MACROD2: variants seen among roughly 807,000 people sequenced by gnomAD.
The protein encoded by MACROD2 is ADP-ribose glycohydrolase MACROD2.
Under a neutral mutation model 70.4 loss-of-function variants are expected in MACROD2, and 36 were observed. The ratio of observed to expected loss-of-function variants is 0.51; its 90% CI spans 0.39 to 0.68. MACROD2 has a LOEUF of 0.68. Ranked by LOEUF, MACROD2 falls within the 30% of genes least tolerant of loss-of-function variation. The pLI, the probability that MACROD2 is intolerant of heterozygous loss-of-function variation, is 0.00. For synonymous variants in MACROD2, 172 were observed against 178.8 expected (o/e 0.96, Z 0.30); for missense variants, 496 against 538.4 (o/e 0.92, Z 0.78).
At position 15,030,855 on chromosome 20, in the gene MACROD2, A is replaced by G. The variant is rs374132040; in HGVS notation, c.419-199085A>G. On this transcript the variant is annotated intron_variant, in intron 5 of 17. Transcript: ENST00000684519. Reference sequence around the variant, plus strand: ...GATCTTCATCCCAGATCCCAGTGTCACAGGATCTCTAGGGTGTTGCTTTTC... The same window carrying G: ...GATCTTCATCCCAGATCCCAGTGTCGCAGGATCTCTAGGGTGTTGCTTTTC... 1.2e-4 allele frequency among the ~76,000 whole-genome samples: 18 copies of G among 152,270 alleles called. 1 individual carries two copies. In the South Asian group the frequency reaches 3.7e-3, roughly 32 times the overall value.
intron 8 of MACROD2, among the ~76,000 whole-genome samples, chr20:15,537,781 C>T (rs6110664): frequency 0.25 from 37,551 of 152,002 alleles, 5,550 homozygotes; most frequent in East Asian, 0.48. Flanking sequence ...GCCCCACTTA[C>T]CCTTCTTCTC....
chr20:14,287,947 A>G (rs746767860), intron 3 of MACROD2, among the ~76,000 whole-genome samples: 3 of 152,090 alleles, frequency 2.0e-5, no homozygotes, highest in Non-Finnish European at 4.4e-5. Context: ...AGATGTTACA[A>G]TCTTATATAA....
chr20:14,536,062 A>C (rs2085360140), intron 4 of MACROD2, among the ~76,000 whole-genome samples: 1 of 152,194 alleles, frequency 6.6e-6, no homozygotes, highest in South Asian at 2.1e-4. Flanking sequence ...GGGGCATGAC[A>C]GCTCTTAGAA....
At chr20:14,442,738 G>A (rs1399330760) in intron 3 of MACROD2, among the ~76,000 whole-genome samples, 1 of 151,978 alleles carries the variant, frequency 6.6e-6, no homozygotes, top group African/African-American at 2.4e-5. Flanking sequence ...GGTCCTAGAA[G>A]CTGAATACCT....
intron 8 of MACROD2, among the ~76,000 whole-genome samples, chr20:15,637,765 C>A (rs2049393014): frequency 6.6e-6 from 1 of 152,130 alleles, no homozygotes; most frequent in African/African-American, 2.4e-5. Flanking sequence ...CCATGGCAAC[C>A]CCTCTTCCAT....
intron 6 of MACROD2, among the ~76,000 whole-genome samples, chr20:15,263,343 A>T (rs758357377): frequency 4.6e-5 from 7 of 151,550 alleles, no homozygotes; most frequent in Admixed American, 2.6e-4. Context: ...TTCACTATAG[A>T]TGTATAGATT....
chr20:15,470,982 T>C (rs1412858221), intron 7 of MACROD2, among the ~76,000 whole-genome samples: 2 of 152,200 alleles, frequency 1.3e-5, no homozygotes, highest in African/African-American at 2.4e-5. Context: ...ATTCTTGGGC[T>C]TATAAAAAGT....
intron 3 of MACROD2, among the ~76,000 whole-genome samples, chr20:14,101,993 C>CTTTTTTTTTTT: frequency 4.0e-5 from 1 of 25,050 alleles, no homozygotes; most frequent in Non-Finnish European, 6.9e-5. Flanking sequence ...TTTAATGAGT[C>CTTTTTTTTTTT]TTTTTTTTTT....
intron 5 of MACROD2, among the ~76,000 whole-genome samples, chr20:14,860,323 A>C (rs2073300723): frequency 6.6e-6 from 1 of 152,126 alleles, no homozygotes; most frequent in Non-Finnish European, 1.5e-5. Context: ...TAAGGAAAAG[A>C]ATTTATGCAA....
intron 3 of MACROD2, among the ~76,000 whole-genome samples, chr20:14,262,472 C>T (rs547387537): frequency 2.0e-5 from 3 of 152,048 alleles, no homozygotes. Context: ...TTTGGAAGAT[C>T]TACCTGGAAG....
chr20:14,838,106 G>C (rs189343145), intron 5 of MACROD2, among the ~76,000 whole-genome samples: 2 of 152,024 alleles, frequency 1.3e-5, no homozygotes, highest in Non-Finnish European at 2.9e-5. Flanking sequence ...TGAATTTGTT[G>C]TAAGGCAAAT....
intron 2 of MACROD2, among the ~76,000 whole-genome samples, chr20:14,010,810 A>G (rs1053839176): frequency 2.0e-5 from 3 of 152,060 alleles, no homozygotes; most frequent in African/African-American, 7.2e-5. Context: ...CCTTTTTGCC[A>G]TATTCCCAGT....
chr20:14,368,377 A>G (rs556004363), intron 3 of MACROD2, among the ~76,000 whole-genome samples: 2 of 152,226 alleles, frequency 1.3e-5, no homozygotes, highest in South Asian at 4.1e-4. Flanking sequence ...CCCTGTCTCT[A>G]CTAGAAATAC....
At chr20:15,623,830 T>C (rs1411624799) in intron 8 of MACROD2, among the ~76,000 whole-genome samples, 1 of 152,156 alleles carries the variant, frequency 6.6e-6, no homozygotes. Flanking sequence ...TATATACACA[T>C]AATGCATAGT....
At chr20:16,035,113 A>T (rs796073640) in intron 15 of MACROD2, among the ~76,000 whole-genome samples, 47,857 of 76,732 alleles carry the variant, frequency 0.62, 12,573 homozygotes, top group South Asian at 0.72. Flanking sequence ...TTATATATAA[A>T]ATATAATATA....
At chr20:15,252,690 AT>A (rs1568669834) in intron 6 of MACROD2, among the ~76,000 whole-genome samples, 1 of 152,212 alleles carries the variant, frequency 6.6e-6, no homozygotes, top group Non-Finnish European at 1.5e-5. Context: ...TATGAAAAAC[AT>A]CACCAGAAGG....
At chr20:15,128,496 A>G (rs766453294) in intron 5 of MACROD2, among the ~76,000 whole-genome samples, 1 of 152,086 alleles carries the variant, frequency 6.6e-6, no homozygotes, top group African/African-American at 2.4e-5. Context: ...CACACAAACA[A>G]TAGAGACAAC....
At chr20:14,825,893 G>A (rs1051251316) in intron 5 of MACROD2, among the ~76,000 whole-genome samples, 1 of 152,068 alleles carries the variant, frequency 6.6e-6, no homozygotes, top group Admixed American at 6.5e-5. Flanking sequence ...ACAAAAGATC[G>A]CCCTCCCATT....
intron 3 of MACROD2, among the ~76,000 whole-genome samples, chr20:14,287,864 A>T (rs1397019148): frequency 6.6e-6 from 1 of 152,060 alleles, no homozygotes; most frequent in Admixed American, 6.6e-5. Flanking sequence ...GTTCCTTGAC[A>T]TGTGGCATTT....
Sources: gnomAD v4.1 joint callset for allele counts (sites outside exome capture counted in the v4.1 genomes callset) on GRCh38, gnomAD v4.1.1 for gene constraint, MANE v1.5 for transcripts, NCBI Gene and HGNC (gene_info 2026-07-23, HGNC 2026-07-21) for gene names.